TNFRSF8: variants seen among roughly 807,000 people sequenced by gnomAD.
TNFRSF8 encodes tumor necrosis factor receptor superfamily member 8.
TNFRSF8 carries 26 observed loss-of-function variants against 70.8 expected under a neutral mutation model. That is an observed-to-expected ratio of 0.37 (90% confidence interval 0.27 to 0.51). TNFRSF8 has a LOEUF of 0.51. Ranked by LOEUF, TNFRSF8 falls within the 20% of genes least tolerant of loss-of-function variation. TNFRSF8 has a pLI of 0.94. For synonymous variants in TNFRSF8, 356 were observed against 339.2 expected (o/e 1.05, Z -0.54); for missense variants, 720 against 807.9 (o/e 0.89, Z 1.32).
intron 1 of TNFRSF8, among the ~76,000 whole-genome samples, chr1:12,067,646 C>A (rs149691549): frequency 1.3e-5 from 2 of 151,632 alleles, no homozygotes; most frequent in African/African-American, 2.4e-5. Flanking sequence ...CCAGCACTCC[C>A]GCCTGGGTGG....
intron 2 of TNFRSF8, among the ~76,000 whole-genome samples, chr1:12,090,873 A>C (rs1641237298): frequency 6.6e-6 from 1 of 152,190 alleles, no homozygotes; most frequent in Non-Finnish European, 1.5e-5. Flanking sequence ...CCTATGTTGA[A>C]GTCTTAACCC....
chr1:12,065,603 CAT>C (rs1044461337), intron 1 of TNFRSF8, among the ~76,000 whole-genome samples: 3 of 152,196 alleles, frequency 2.0e-5, no homozygotes, highest in African/African-American at 7.2e-5. Context: ...TTTTAATAGA[CAT>C]ATATATAGTT....
At chr1:12,094,132 C>T (rs1427920981) in intron 2 of TNFRSF8, among the ~76,000 whole-genome samples, 4 of 151,694 alleles carry the variant, frequency 2.6e-5, no homozygotes, top group African/African-American at 4.8e-5. Context: ...CGTGAGCCAC[C>T]GCACCCGATG....
intron 1 of TNFRSF8, among the ~76,000 whole-genome samples, chr1:12,073,392 C>T (rs1346909825): frequency 6.6e-6 from 1 of 152,076 alleles, no homozygotes. Flanking sequence ...GGGAGCTGGG[C>T]CCCGCTTCCT....
At chr1:12,079,949 AT>A (rs111729252) in intron 1 of TNFRSF8, among the ~76,000 whole-genome samples, 59,215 of 126,638 alleles carry the variant, frequency 0.47, 11,878 homozygotes, top group Middle Eastern at 0.52. Flanking sequence ...TTAATTCTCT[AT>A]TTTTTTTTTT....
chr1:12,136,318 T>G (rs1394061184), intron 13 of TNFRSF8, among the ~76,000 whole-genome samples: 1 of 152,220 alleles, frequency 6.6e-6, no homozygotes, highest in Non-Finnish European at 1.5e-5. Context: ...ATGTTTTTGC[T>G]GCATAGGCCA....
intron 10 of TNFRSF8, among the ~76,000 whole-genome samples, chr1:12,124,502 G>T (rs1012950831): frequency 2.1e-4 from 32 of 152,200 alleles, no homozygotes; most frequent in African/African-American, 7.0e-4. Context: ...GTTATAAGCA[G>T]TGTAGCATTG....
intron 4 of TNFRSF8, among the ~76,000 whole-genome samples, chr1:12,106,934 A>G (rs1641535059): frequency 6.6e-6 from 1 of 152,164 alleles, no homozygotes; most frequent in Non-Finnish European, 1.5e-5. Context: ...TTTGTGAAAA[A>G]CATCTTGAGT....
At chr1:12,136,965 CA>C (rs1351534930) in intron 13 of TNFRSF8, among the ~76,000 whole-genome samples, 7 of 146,124 alleles carry the variant, frequency 4.8e-5, no homozygotes, top group Non-Finnish European at 8.9e-5. Flanking sequence ...GGTCATAGGA[CA>C]ATAGTGGAGG....
chr1:12,109,560 C>A lies in TNFRSF8; in HGVS notation c.422-6C>A. 1 of 1,613,148 alleles carries A rather than the reference C, an allele frequency of 6.2e-7. No homozygotes were observed. The highest frequency in any genetic ancestry group is 1.1e-5 in the South Asian group (1 of 91,030). ...GATTCTGAAGGCACTGCTGTCCCCC[C>A]TGCAGGCACGGCGCAGAAGAACACG... On this transcript the variant is annotated splice_polypyrimidine_tract_variant and splice_region_variant and intron_variant, in intron 4 of 14. Coordinates refer to ENST00000263932, the MANE Select transcript of TNFRSF8 (RefSeq NM_001243.5). The surrounding 1 kb of genome is among the most constrained non-coding windows in gnomAD (Gnocchi z 4.4).
chr1:12,141,668 G>A lies in TNFRSF8; in HGVS notation c.1544-619G>A, dbSNP rs1406371909. Reference sequence around the variant, plus strand: ...AGGGGACTCCCAGGACACGGGACTTGCAGTAGTAGAACCAGGAATGTTCCC... The same window carrying A: ...AGGGGACTCCCAGGACACGGGACTTACAGTAGTAGAACCAGGAATGTTCCC... On this transcript the variant is annotated intron_variant, in intron 14 of 14. Coordinates refer to ENST00000263932, the MANE Select transcript of TNFRSF8 (RefSeq NM_001243.5). This position sits in a 1 kb window ranked among gnomAD's most constrained non-coding sequence, Gnocchi z 5.4. Among the ~76,000 whole-genome samples the A allele has an allele frequency of 1.3e-5, 2 of 152,250 alleles. No individual in the cohort carries two copies. The highest frequency in any genetic ancestry group is 2.9e-5 in the Non-Finnish European group (2 of 68,042).
intron 12 of TNFRSF8, among the ~76,000 whole-genome samples, chr1:12,135,231 A>G (rs1351843407): frequency 6.8e-6 from 1 of 146,410 alleles, no homozygotes; most frequent in African/African-American, 2.6e-5. Context: ...CATGAGAATC[A>G]CTTGAACCCA....
chr1:12,064,144 G>T (rs985015351), intron 1 of TNFRSF8, among the ~76,000 whole-genome samples: 1 of 152,228 alleles, frequency 6.6e-6, no homozygotes, highest in African/African-American at 2.4e-5. Context: ...AAAGGAGGGA[G>T]AGTTGGCTGT....
In TNFRSF8 at chr1:12,142,930, C is replaced by T. The variant is rs1642284171; in HGVS notation, c.*399C>T. The T allele has an allele frequency of 5.5e-6, 1 of 180,242 alleles. No homozygotes were observed. Among genetic ancestry groups the T allele is most frequent in the African/African-American group, 2.4e-5 (1 of 42,288 alleles). 11.2% of individuals were successfully genotyped at this position (180,242 alleles called of 1,614,324 possible). A position where few individuals can be genotyped will look rare whatever the true frequency, so the allele number is the denominator to read the frequency against. ...AGGTCGTGAGGCCAGCTCCCGGGGC[C>T]CCTGTAACCCTACTCTCCTCTCTCC... is the stretch of plus-strand genomic sequence containing the variant. On this transcript the variant is annotated 3_prime_UTR_variant, in exon 15 of 15. Coordinates refer to ENST00000263932, the MANE Select transcript of TNFRSF8 (RefSeq NM_001243.5). This position sits in a 1 kb window ranked among gnomAD's most constrained non-coding sequence, Gnocchi z 5.0.
intron 1 of TNFRSF8, among the ~76,000 whole-genome samples, chr1:12,081,433 G>T (rs77550903): frequency 3.3e-5 from 5 of 152,184 alleles, no homozygotes; most frequent in African/African-American, 1.2e-4. Context: ...GGAGCACTTC[G>T]GGTGTCCTGG....
At position 12,105,323 on chromosome 1, in the gene TNFRSF8, T is replaced by C. The variant is rs76333373; in HGVS notation, c.421+792T>C. Among the ~76,000 whole-genome samples, 40 of 152,278 alleles carry C rather than the reference T, an allele frequency of 2.6e-4. No homozygotes were observed. The East Asian group carries it at 7.1e-3, about 27-fold the overall frequency. ...ATGCCCTGTTGTGCAAACCTGGGGA[T>C]TGGCAGTCACCCCCATCGCTACCAC... On this transcript the variant is annotated intron_variant, in intron 4 of 14. Coordinates refer to ENST00000263932, the MANE Select transcript of TNFRSF8 (RefSeq NM_001243.5).
At chr1:12,089,097 G>A (rs997969017) in intron 2 of TNFRSF8, among the ~76,000 whole-genome samples, 3 of 151,222 alleles carry the variant, frequency 2.0e-5, no homozygotes, top group South Asian at 4.2e-4. Context: ...ATTCTATCTC[G>A]AAAAAAAAGA....
At chr1:12,084,697 G>A (rs958357414) in intron 2 of TNFRSF8, 146 bp downstream of exon 2, 5 of 763,460 alleles carry the variant, frequency 6.5e-6, no homozygotes, top group South Asian at 3.4e-5. Flanking sequence ...TCCTAGTGTC[G>A]CGGAGTCCAA....
In TNFRSF8 at chr1:12,085,770, C is replaced by T. The variant is rs532840925; in HGVS notation, c.151+1219C>T. Among the ~76,000 whole-genome samples, 20 of 152,228 alleles carry T rather than the reference C, an allele frequency of 1.3e-4. No individual in the cohort carries two copies. In the South Asian group the frequency reaches 2.7e-3, roughly 21 times the overall value. ...CCATTTTGTAGATGATGCTTAGGCCCGAGGAGATAAGCAGCTGGAATAGGG... is the reference window on the plus strand; with the variant it reads ...CCATTTTGTAGATGATGCTTAGGCCTGAGGAGATAAGCAGCTGGAATAGGG... On this transcript the variant is annotated intron_variant, in intron 2 of 14. Coordinates refer to ENST00000263932, the MANE Select transcript of TNFRSF8 (RefSeq NM_001243.5).
Sources: gnomAD v4.1 joint callset for allele counts (sites outside exome capture counted in the v4.1 genomes callset) on GRCh38, gnomAD v4.1.1 for gene constraint, Gnocchi (gnomAD v3.1) non-coding constraint, MANE v1.5 for transcripts, NCBI Gene and HGNC (gene_info 2026-07-23, HGNC 2026-07-21) for gene names.